Variants in KCNJ3 observed in about 807,000 individuals in gnomAD.
The protein encoded by KCNJ3 is potassium inwardly rectifying channel subfamily J member 3.
A neutral mutation model predicts 39.2 loss-of-function variants in KCNJ3; 4 were observed. The ratio of observed to expected loss-of-function variants is 0.10; its 90% CI spans 0.05 to 0.23. The LOEUF (loss-of-function observed/expected upper bound fraction) is 0.23. Among genes scored for constraint, KCNJ3 ranks in the 10% least tolerant of loss-of-function variants. The pLI, the probability that KCNJ3 is intolerant of heterozygous loss-of-function variation, is 1.00. For missense variants in KCNJ3, 276 were observed against 634.9 expected, an observed-to-expected ratio of 0.43 and a Z score of 6.08; for synonymous variants, 230 against 237.4, an observed-to-expected ratio of 0.97 and a Z score of 0.29.
chr2:154,781,542 A>G (rs1686437756), intron 2 of KCNJ3, among the ~76,000 whole-genome samples: 2 of 152,220 alleles, frequency 1.3e-5, no homozygotes, highest in Admixed American at 6.5e-5. Context: ...TACGGATGCA[A>G]GAATTAGCTG....
rs1687806654 is a variant in KCNJ3 at position 154,854,461 on chromosome 2, CTTTTGG to C, written c.920-262_920-257del. Among the ~76,000 whole-genome samples, 4 of 152,158 alleles carry C rather than the reference CTTTTGG, an allele frequency of 2.6e-5. No homozygotes were observed. The South Asian group carries it at 8.3e-4, about 32-fold the overall frequency. On this transcript the variant is annotated intron_variant, in intron 2 of 2. Transcript: ENST00000295101. ...CTGAGATTATTCTATGCTACTTTTGCTTTTGGTTTGTGGTTAATATTTAGGTAATGA... is the reference window on the plus strand; with the variant it reads ...CTGAGATTATTCTATGCTACTTTTGCTTTGTGGTTAATATTTAGGTAATGA...
At chr2:154,821,287 G>T (rs558819913) in intron 2 of KCNJ3, among the ~76,000 whole-genome samples, 1 of 152,146 alleles carries the variant, frequency 6.6e-6, no homozygotes, top group Non-Finnish European at 1.5e-5. Context: ...AGTGAAAATG[G>T]TATTAGGAGA....
intron 2 of KCNJ3, among the ~76,000 whole-genome samples, chr2:154,824,406 A>T (rs1687235107): frequency 6.6e-6 from 1 of 152,170 alleles, no homozygotes; most frequent in African/African-American, 2.4e-5. Context: ...TATTTTTATT[A>T]ATATTTATTC....
At chr2:154,775,045 T>G (rs1686308933) in intron 2 of KCNJ3, among the ~76,000 whole-genome samples, 1 of 152,146 alleles carries the variant, frequency 6.6e-6, no homozygotes, top group Admixed American at 6.5e-5. Flanking sequence ...GCGTCTCGAA[T>G]AGTTGGGACC....
chr2:154,808,781 A>G (rs1686959744), intron 2 of KCNJ3, among the ~76,000 whole-genome samples: 1 of 152,200 alleles, frequency 6.6e-6, no homozygotes, highest in African/African-American at 2.4e-5. Flanking sequence ...AGAAACTGCC[A>G]TATTCTGTGA....
At chr2:154,824,786 C>T (rs1273757696) in intron 2 of KCNJ3, among the ~76,000 whole-genome samples, 2 of 152,112 alleles carry the variant, frequency 1.3e-5, no homozygotes, top group Non-Finnish European at 2.9e-5. Flanking sequence ...GCAGAAACCG[C>T]ATGAATAGTT....
In KCNJ3 at chr2:154,747,434, A is replaced by G. The variant is rs185385275; in HGVS notation, c.919+37615A>G. On this transcript the variant is annotated intron_variant, in intron 2 of 2. Coordinates refer to ENST00000295101, the MANE Select transcript of KCNJ3 (RefSeq NM_002239.4). ...CATATTTATAAAACTTATATAACAA[A>G]GTATATTTTTAAGAAAAAAACTAGT... Among the ~76,000 whole-genome samples the G allele has an allele frequency of 2.4e-4, 37 of 152,136 alleles. No individual in the cohort carries two copies. In the East Asian group the frequency reaches 5.2e-3, roughly 21 times the overall value.
intron 2 of KCNJ3, among the ~76,000 whole-genome samples, chr2:154,810,236 C>T (rs1483171676): frequency 6.6e-6 from 1 of 152,072 alleles, no homozygotes; most frequent in Non-Finnish European, 1.5e-5. Context: ...CTGTGTGCCA[C>T]CACGCCTGAC....
intron 2 of KCNJ3, among the ~76,000 whole-genome samples, chr2:154,728,031 A>C (rs1042387451): frequency 1.3e-5 from 2 of 151,836 alleles, no homozygotes; most frequent in African/African-American, 4.8e-5. Context: ...TGTGAAAAAC[A>C]ATGATTTTGA....
chr2:154,854,691 T>C (rs1253165206), intron 2 of KCNJ3, 36 bp from the exon 3 acceptor site: 1 of 1,504,516 alleles, frequency 6.6e-7, no homozygotes, highest in South Asian at 1.2e-5. Flanking sequence ...GCTTCCACTA[T>C]GCATAATTTA....
intron 2 of KCNJ3, among the ~76,000 whole-genome samples, chr2:154,784,533 C>T (rs533112936): frequency 6.6e-6 from 1 of 152,152 alleles, no homozygotes; most frequent in Non-Finnish European, 1.5e-5. Context: ...CAGGCACACA[C>T]CACCATACCC....
chr2:154,753,933 T>A (rs1685892969), intron 2 of KCNJ3, among the ~76,000 whole-genome samples: 1 of 152,226 alleles, frequency 6.6e-6, no homozygotes, highest in African/African-American at 2.4e-5. Flanking sequence ...TTAATGTTAC[T>A]GCCTTTCAGA....
intron 2 of KCNJ3, among the ~76,000 whole-genome samples, chr2:154,777,271 C>T (rs574615721): frequency 3.3e-5 from 5 of 152,086 alleles, no homozygotes; most frequent in East Asian, 1.9e-4. Flanking sequence ...AGTGTTTCTG[C>T]GACTTATTTG....
intron 2 of KCNJ3, among the ~76,000 whole-genome samples, chr2:154,835,816 G>A (rs1226723892): frequency 6.6e-6 from 1 of 151,906 alleles, no homozygotes; most frequent in Non-Finnish European, 1.5e-5. Flanking sequence ...GGATAATTAT[G>A]TTCATAAATG....
intron 2 of KCNJ3, among the ~76,000 whole-genome samples, chr2:154,844,828 C>T (rs1396209975): frequency 6.6e-6 from 1 of 152,152 alleles, no homozygotes; most frequent in African/African-American, 2.4e-5. Flanking sequence ...GGCAGAAGTG[C>T]CTCATTTTTC....
intron 2 of KCNJ3, among the ~76,000 whole-genome samples, chr2:154,821,125 C>G (rs552144704): frequency 1.3e-5 from 2 of 152,280 alleles, no homozygotes; most frequent in African/African-American, 4.8e-5. Context: ...GTCAAGCTGG[C>G]CCTCATGCCC....
chr2:154,709,849 T>C (rs767928099), intron 2 of KCNJ3, 30 bp downstream of exon 2: 2 of 1,610,326 alleles, frequency 1.2e-6, no homozygotes, highest in Non-Finnish European at 1.7e-6. Flanking sequence ...CCATAAAGTT[T>C]CTTTATACCA....
chr2:154,726,987 T>C (rs1685371538), intron 2 of KCNJ3, among the ~76,000 whole-genome samples: 1 of 151,894 alleles, frequency 6.6e-6, no homozygotes, highest in Admixed American at 6.6e-5. Flanking sequence ...GGCATAAGAA[T>C]GATCAGTGGA....
intron 2 of KCNJ3, among the ~76,000 whole-genome samples, chr2:154,783,601 TA>T (rs540213497): frequency 2.0e-3 from 309 of 152,308 alleles, no homozygotes; most frequent in Non-Finnish European, 3.4e-3. Flanking sequence ...TAAATTTTCA[TA>T]AAAACTTCAT....
Sources: gnomAD v4.1 joint callset for allele counts (sites outside exome capture counted in the v4.1 genomes callset) on GRCh38, gnomAD v4.1.1 for gene constraint, MANE v1.5 for transcripts, NCBI Gene and HGNC (gene_info 2026-07-23, HGNC 2026-07-21) for gene names.